The following SDK1 variants were observed in gnomAD, a reference collection of about 807,000 sequenced individuals.
The protein encoded by SDK1 is sidekick cell adhesion molecule 1.
SDK1 carries 157 observed loss-of-function variants against 245.5 expected under a neutral mutation model. The ratio of observed to expected loss-of-function variants is 0.64; its 90% CI spans 0.56 to 0.73. The LOEUF is 0.73. SDK1 is among the 30% of genes least tolerant of loss of function. The pLI, the probability that SDK1 is intolerant of heterozygous loss-of-function variation, is 0.00. For missense variants in SDK1, 3,583 were observed against 3,002.3 expected (o/e 1.19, Z -4.52); for synonymous variants, 1,647 against 1,278.5 (o/e 1.29, Z -6.15).
chr7:4,152,755 A>G (rs566830798), intron 30 of SDK1, among the ~76,000 whole-genome samples: 6 of 152,352 alleles, frequency 3.9e-5, no homozygotes, highest in African/African-American at 1.2e-4. Flanking sequence ...AATAATCCTG[A>G]CAGCTACATT....
chr7:4,191,526 G>A (rs1225915228), intron 35 of SDK1, among the ~76,000 whole-genome samples: 2 of 152,250 alleles, frequency 1.3e-5, no homozygotes, highest in Non-Finnish European at 2.9e-5. Flanking sequence ...GCAGCCAGTG[G>A]AGGCCTTTCT....
chr7:3,424,711 A>G (rs970301710), intron 1 of SDK1, among the ~76,000 whole-genome samples: 1 of 152,108 alleles, frequency 6.6e-6, no homozygotes, highest in African/African-American at 2.4e-5. Context: ...AGCCTGAACA[A>G]TGTAAGGAGA....
intron 5 of SDK1, among the ~76,000 whole-genome samples, chr7:3,845,873 A>G (rs1265898133): frequency 1.3e-5 from 2 of 152,216 alleles, no homozygotes; most frequent in African/African-American, 4.8e-5. Context: ...GCATAAACAG[A>G]TTGAAACTGT....
chr7:3,497,904 G>C (rs1782075068), intron 1 of SDK1, among the ~76,000 whole-genome samples: 2 of 152,198 alleles, frequency 1.3e-5, no homozygotes, highest in Non-Finnish European at 2.9e-5. Flanking sequence ...TGGGCTATGA[G>C]GTTAGGGAGT....
chr7:3,479,623 G>A (rs2128601537), intron 1 of SDK1, among the ~76,000 whole-genome samples: 1 of 151,922 alleles, frequency 6.6e-6, no homozygotes, highest in South Asian at 2.1e-4. Context: ...CAGCACTTTG[G>A]GAGGTCGAGG....
rs1047629082 is a variant in SDK1 at position 4,124,967 on chromosome 7, A to G, written c.3824-2414A>G. Among the ~76,000 whole-genome samples the G allele has an allele frequency of 2.1e-5, 3 of 144,276 alleles. No individual in the cohort carries two copies. In the East Asian group the frequency reaches 6.5e-4, roughly 31 times the overall value. 94.7% of individuals were successfully genotyped at this position (144,276 alleles called of 152,430 possible). ...GGATGGATGGATGGGTGATGGGTGG[A>G]TGATTGGATGTATGGATGGATGATA... On this transcript the variant is annotated intron_variant, in intron 25 of 44. Transcript: ENST00000404826.
intron 4 of SDK1, among the ~76,000 whole-genome samples, chr7:3,803,315 C>CT (rs60469408): frequency 0.025 from 3,052 of 119,800 alleles, 81 homozygotes; most frequent in African/African-American, 0.065. Context: ...TTCTTTCTTT[C>CT]TTTTTTTTTT....
chr7:3,448,443 A>G (rs1409241088), intron 1 of SDK1, among the ~76,000 whole-genome samples: 1 of 151,838 alleles, frequency 6.6e-6, no homozygotes, highest in East Asian at 1.9e-4. Flanking sequence ...CAGTCTATGT[A>G]TTTTTGAAGT....
chr7:3,306,197 T>C (rs754224070), intron 1 of SDK1, among the ~76,000 whole-genome samples: 3 of 152,212 alleles, frequency 2.0e-5, no homozygotes, highest in African/African-American at 4.8e-5. Flanking sequence ...TTATTTACGA[T>C]TATGATTGCA....
In SDK1 at chr7:3,507,273, G is replaced by A. The variant is rs976553043; in HGVS notation, c.299-111807G>A. ...AAATCTCACCCTACACATGTGCAGC[G>A]TAGTATTCAGACAAAAACCAAGGGG... On this transcript the variant is annotated intron_variant, in intron 1 of 44. Transcript: ENST00000404826. 3.3e-5 allele frequency among the ~76,000 whole-genome samples: 5 copies of A among 152,124 alleles called. No individual in the cohort carries two copies. In the South Asian group the frequency reaches 6.2e-4, roughly 19 times the overall value.
intron 1 of SDK1, among the ~76,000 whole-genome samples, chr7:3,596,829 A>G (rs1562590832): frequency 6.6e-6 from 1 of 152,184 alleles, no homozygotes; most frequent in Non-Finnish European, 1.5e-5. Flanking sequence ...TCATCAGATA[A>G]CACTTATGAA....
intron 35 of SDK1, among the ~76,000 whole-genome samples, chr7:4,186,145 A>G (rs1224279585): frequency 6.6e-6 from 1 of 152,252 alleles, no homozygotes; most frequent in Non-Finnish European, 1.5e-5. Flanking sequence ...CACACACCAA[A>G]CAAAGCTTGT....
intron 17 of SDK1, among the ~76,000 whole-genome samples, chr7:4,030,017 G>A (rs1268987322): frequency 1.3e-5 from 2 of 152,206 alleles, no homozygotes; most frequent in African/African-American, 2.4e-5. Context: ...AGCTGTGACC[G>A]TAACTTAAAC....
chr7:3,378,790 A>G (rs1781413792), intron 1 of SDK1, among the ~76,000 whole-genome samples: 1 of 145,350 alleles, frequency 6.9e-6, no homozygotes, highest in Admixed American at 6.9e-5. Flanking sequence ...GGGGCAGGGT[A>G]TTCACTCTGC....
At chr7:3,792,335 C>G (rs1322403055) in intron 4 of SDK1, among the ~76,000 whole-genome samples, 1 of 152,114 alleles carries the variant, frequency 6.6e-6, no homozygotes, top group Non-Finnish European at 1.5e-5. Flanking sequence ...CCTCCTCCCT[C>G]TTTGCTTTCC....
intron 1 of SDK1, among the ~76,000 whole-genome samples, chr7:3,542,929 A>G (rs1029487384): frequency 3.3e-5 from 5 of 152,210 alleles, no homozygotes; most frequent in Non-Finnish European, 4.4e-5. Flanking sequence ...AGCAGACCAG[A>G]CCATACTGAA....
intron 4 of SDK1, among the ~76,000 whole-genome samples, chr7:3,793,165 A>T (rs866802403): frequency 9.9e-5 from 15 of 152,156 alleles, no homozygotes; most frequent in African/African-American, 3.6e-4. Flanking sequence ...TTATATTTCC[A>T]TGTAAGGGTT....
chr7:3,642,075 A>C lies in SDK1; in HGVS notation c.683A>C (p.Glu228Ala), dbSNP rs1215591870. ...AGACCTCAAGTGACTTGGTTTAGAG[A>C]AGGGCACAAGATTATTCCAAGCAAC... ...YPRPQVTWFR[E>A]GHKIIPSNRI... The change falls in exon 4 of 45, where the codon GAA becomes GCA. Residue 228 changes from glutamate to alanine, a missense_variant. Glu to Ala is a moderately radical substitution (Grantham distance 107, BLOSUM62 -1). Transcript: ENST00000404826. 1.2e-6 allele frequency: 2 copies of C among 1,614,184 alleles called. No homozygotes were observed. The highest frequency in any genetic ancestry group is 1.7e-6 in the Non-Finnish European group (2 of 1,180,016).
In SDK1 at chr7:3,301,593, C is replaced by T. The variant is rs1779258608; in HGVS notation, c.7C>T (p.Arg3Trp). Residue 3 changes from arginine to tryptophan, a missense_variant, in exon 1 of 45, where the codon CGG becomes TGG. Arg to Trp is a moderately radical substitution (Grantham distance 101). Transcript: ENST00000404826. MA[R>W]GARPSAAGGG... ...GGGGTGGCGGCTGCTCGGCATGGCC[C>T]GGGGCGCCCGGCCCTCGGCGGCCGG... 7 of 972,318 alleles carry T rather than the reference C, an allele frequency of 7.2e-6. No homozygotes were observed. Among genetic ancestry groups the T allele is most frequent in the Non-Finnish European group, 8.5e-6 (7 of 821,962 alleles). The allele number at this position is 972,318 out of a possible 1,614,324, so 60.2% of individuals were successfully genotyped here.
Sources: gnomAD v4.1 joint callset for allele counts (sites outside exome capture counted in the v4.1 genomes callset) on GRCh38, gnomAD v4.1.1 for gene constraint, MANE v1.5 for transcripts, NCBI Gene and HGNC (gene_info 2026-07-23, HGNC 2026-07-21) for gene names.